MAGI1: variants seen among roughly 807,000 people sequenced by gnomAD.
MAGI1 encodes membrane associated guanylate kinase, WW and PDZ domain containing 1.
MAGI1 carries 58 observed loss-of-function variants against 139.9 expected under a neutral mutation model. The observed-to-expected ratio is 0.41, with a 90% CI of 0.34 to 0.52. MAGI1 has a LOEUF of 0.52. MAGI1 is among the 20% of genes least tolerant of loss of function. The probability of loss-of-function intolerance (pLI) is 0.12; values close to 1 mark genes in which losing one functional copy is unlikely to be tolerated. For synonymous variants in MAGI1, 812 were observed against 737.9 expected (o/e 1.10, Z -1.63); for missense variants, 1,874 against 1,901.6 (o/e 0.99, Z 0.27).
intron 1 of MAGI1, among the ~76,000 whole-genome samples, chr3:65,977,428 C>T (rs2065319919): frequency 6.6e-6 from 1 of 151,992 alleles, no homozygotes; most frequent in South Asian, 2.1e-4. Context: ...AATCAAAACT[C>T]GGCCGGGCGC....
intron 14 of MAGI1, chr3:65,387,355 TAA>T (rs1943533427): frequency 1.6e-6 from 1 of 612,630 alleles, no homozygotes; most frequent in East Asian, 2.9e-5. Flanking sequence ...GCTGTTATGT[TAA>T]AAGACTATAG....
At chr3:65,462,684 A>T in intron 5 of MAGI1, among the ~76,000 whole-genome samples, 1 of 152,194 alleles carries the variant, frequency 6.6e-6, no homozygotes, top group Non-Finnish European at 1.5e-5. Context: ...TGGGGATAGC[A>T]TTGAATCTAT....
chr3:65,983,955 G>C (rs1050537745), intron 1 of MAGI1, among the ~76,000 whole-genome samples: 10 of 152,168 alleles, frequency 6.6e-5, no homozygotes, highest in African/African-American at 2.4e-4. Context: ...AAGTACTCAT[G>C]TTGTCATATT....
intron 2 of MAGI1, among the ~76,000 whole-genome samples, chr3:65,571,005 T>C (rs1286415139): frequency 6.6e-6 from 1 of 152,136 alleles, no homozygotes; most frequent in Non-Finnish European, 1.5e-5. Flanking sequence ...AGCCTCAAAA[T>C]CAGATGCACT....
intron 2 of MAGI1, among the ~76,000 whole-genome samples, chr3:65,527,223 C>T (rs1183447228): frequency 5.9e-5 from 9 of 152,278 alleles, no homozygotes; most frequent in South Asian, 2.1e-4. Context: ...CACAGCTTGC[C>T]GAACTTGGGA....
At chr3:65,489,764 A>C (rs1951874710) in intron 3 of MAGI1, among the ~76,000 whole-genome samples, 1 of 152,242 alleles carries the variant, frequency 6.6e-6, no homozygotes, top group South Asian at 2.1e-4. Flanking sequence ...TGTTGTGTAC[A>C]TATAAGTTTT....
chr3:65,686,346 C>T (rs575095093), intron 1 of MAGI1, among the ~76,000 whole-genome samples: 2 of 152,296 alleles, frequency 1.3e-5, no homozygotes, highest in South Asian at 4.1e-4. Context: ...GGCTGGAGTG[C>T]AGTGGCACGA....
chr3:65,659,952 C>G (rs1460311300), intron 1 of MAGI1, among the ~76,000 whole-genome samples: 1 of 152,110 alleles, frequency 6.6e-6, no homozygotes, highest in African/African-American at 2.4e-5. Flanking sequence ...TAGTTTATGA[C>G]CCACCCAGAA....
chr3:65,761,013 T>C (rs999101156), intron 1 of MAGI1, among the ~76,000 whole-genome samples: 6 of 152,124 alleles, frequency 3.9e-5, no homozygotes, highest in African/African-American at 1.2e-4. Context: ...CATAGACGGA[T>C]AGGTACCCTG....
chr3:65,540,374 G>GT (rs1010119630), intron 2 of MAGI1, among the ~76,000 whole-genome samples: 3 of 151,924 alleles, frequency 2.0e-5, no homozygotes, highest in Admixed American at 2.0e-4. Context: ...TATTTTGGGT[G>GT]TTTTTTTCTA....
At chr3:65,764,506 T>C (rs908064921) in intron 1 of MAGI1, among the ~76,000 whole-genome samples, 7 of 152,226 alleles carry the variant, frequency 4.6e-5, no homozygotes, top group Non-Finnish European at 1.0e-4. Context: ...GGAACATCAG[T>C]TTATTTAATT....
intron 1 of MAGI1, among the ~76,000 whole-genome samples, chr3:65,718,114 A>G (rs1391681816): frequency 3.3e-5 from 5 of 152,162 alleles, no homozygotes; most frequent in Non-Finnish European, 7.3e-5. Context: ...CTAACTCCTG[A>G]TAAGGTGTTC....
At chr3:65,691,043 C>G (rs555150678) in intron 1 of MAGI1, among the ~76,000 whole-genome samples, 1 of 151,986 alleles carries the variant, frequency 6.6e-6, no homozygotes, top group Non-Finnish European at 1.5e-5. Flanking sequence ...GTGGCTCAGG[C>G]CTGTAATCCA....
chr3:65,456,959 T>C (rs1382722973), intron 5 of MAGI1, among the ~76,000 whole-genome samples: 2 of 152,172 alleles, frequency 1.3e-5, no homozygotes, highest in Non-Finnish European at 2.9e-5. Context: ...TGTAAATTAG[T>C]ACATTTGATA....
intron 1 of MAGI1, among the ~76,000 whole-genome samples, chr3:65,984,270 C>A (rs184975221): frequency 6.6e-6 from 1 of 151,992 alleles, no homozygotes. Context: ...CTCCAGCCTG[C>A]GTGACAGAGT....
At chr3:65,596,310 C>A (rs1438226181) in intron 2 of MAGI1, among the ~76,000 whole-genome samples, 12 of 152,162 alleles carry the variant, frequency 7.9e-5, no homozygotes, top group Non-Finnish European at 1.8e-4. Flanking sequence ...GCAAAAGCTT[C>A]CCGTTTTACT....
At chr3:65,940,316 A>C (rs2063246842) in intron 1 of MAGI1, among the ~76,000 whole-genome samples, 1 of 152,246 alleles carries the variant, frequency 6.6e-6, no homozygotes, top group South Asian at 2.1e-4. Context: ...GAAATATCAT[A>C]GACTGAGTCA....
chr3:65,463,240 G>A (rs923667108), intron 5 of MAGI1, among the ~76,000 whole-genome samples: 1 of 152,114 alleles, frequency 6.6e-6, no homozygotes, highest in Non-Finnish European at 1.5e-5. Context: ...CTGTGGGTTT[G>A]TCATAAATAG....
intron 1 of MAGI1, among the ~76,000 whole-genome samples, chr3:65,689,890 T>C (rs779369906): frequency 3.9e-5 from 6 of 152,216 alleles, no homozygotes; most frequent in Non-Finnish European, 5.9e-5. Flanking sequence ...GTATACGGGA[T>C]ACCTGTCATT....
Sources: gnomAD v4.1 joint callset for allele counts (sites outside exome capture counted in the v4.1 genomes callset) on GRCh38, gnomAD v4.1.1 for gene constraint, MANE v1.5 for transcripts, NCBI Gene and HGNC (gene_info 2026-07-23, HGNC 2026-07-21) for gene names.